SERINC2: variants seen among roughly 807,000 people sequenced by gnomAD.
SERINC2 encodes tumor differentially expressed protein 2.
In SERINC2, 56 loss-of-function variants were observed where a neutral mutation model predicts 54.2. The observed-to-expected ratio is 1.03, with a 90% CI of 0.83 to 1.29. The LOEUF is 1.29. SERINC2 is among the 50% of genes most tolerant of loss of function. The pLI, the probability that SERINC2 is intolerant of heterozygous loss-of-function variation, is 0.00. For synonymous variants in SERINC2, 272 were observed against 253.1 expected, an observed-to-expected ratio of 1.07 and a Z score of -0.71; for missense variants, 614 against 607.4, an observed-to-expected ratio of 1.01 and a Z score of -0.12.
intron 5 of SERINC2, among the ~76,000 whole-genome samples, chr1:31,426,442 C>T (rs1268243595): frequency 4.6e-5 from 7 of 152,112 alleles, no homozygotes; most frequent in African/African-American, 1.7e-4. Flanking sequence ...GTTACAATTC[C>T]CTTATTACAA....
intron 1 of SERINC2, among the ~76,000 whole-genome samples, chr1:31,422,172 G>T (rs1271978362): frequency 6.6e-6 from 1 of 151,614 alleles, no homozygotes; most frequent in African/African-American, 2.4e-5. Context: ...GGTGGCGTGT[G>T]CTTGTAGTCC....
chr1:31,409,973 G>T, upstream of SERINC2: 1 of 1,028,414 alleles, frequency 9.7e-7, no homozygotes, highest in Non-Finnish European at 1.4e-6. Flanking sequence ...CTTGGGGTGG[G>T]TGGTCCAAGA....
At chr1:31,417,598 A>C (rs1285793562) in intron 1 of SERINC2, among the ~76,000 whole-genome samples, 6 of 152,196 alleles carry the variant, frequency 3.9e-5, no homozygotes, top group Non-Finnish European at 7.3e-5. Context: ...AGCATTAAGT[A>C]CATTGACACT....
chr1:31,414,418 GGGT>G, intron 1 of SERINC2: 1 of 501,998 alleles, frequency 2.0e-6, no homozygotes, highest in Non-Finnish European at 2.4e-6. Flanking sequence ...TGTCCCTGAC[GGGT>G]TGTGTGTGTG....
At chr1:31,422,671 C>T (rs1640931278) in intron 1 of SERINC2, among the ~76,000 whole-genome samples, 2 of 152,154 alleles carry the variant, frequency 1.3e-5, no homozygotes, top group Admixed American at 1.3e-4. Context: ...TCTCCAGGCT[C>T]TTAAATCCCT....
intron 1 of SERINC2, among the ~76,000 whole-genome samples, chr1:31,417,481 C>T (rs7545385): frequency 0.023 from 3,555 of 152,188 alleles, 128 homozygotes; most frequent in African/African-American, 0.081. Flanking sequence ...ATACCCTTCT[C>T]GCCTCTTCCT....
Position 31,434,180 on chromosome 1 carries a change from G to A in SERINC2, c.1349G>A (p.Arg450His), listed in dbSNP as rs77828190. ...ACCCTGGTAGCCCCACTCCTCCTGC[G>A]CAACCGCGACTTCAGCTGAGGCAGC... ...LWTLVAPLLL[R>H]NRDFS The change falls in exon 10 of 10, where the codon CGC (arginine) becomes CAC (histidine). Residue 450 changes from arginine to histidine, a missense_variant. Coordinates refer to ENST00000373709, the MANE Select transcript of SERINC2 (RefSeq NM_178865.5). 339 of 1,613,376 alleles carry A rather than the reference G, an allele frequency of 2.1e-4. No homozygotes were observed. In the African/African-American group the frequency reaches 3.6e-3, roughly 17 times the overall value.
intron 8 of SERINC2, among the ~76,000 whole-genome samples, chr1:31,431,912 ATAGGGTGGTTAGGGTGGATAGGGTGGT>A (rs1641245072): frequency 3.1e-5 from 4 of 129,712 alleles, no homozygotes; most frequent in Non-Finnish European, 5.0e-5. Flanking sequence ...GATAGGGTGG[ATAGGGTGGTTAGGGTGGATAGGGTGGT>A]TAGGGTGGTT....
intron 8 of SERINC2, among the ~76,000 whole-genome samples, chr1:31,432,057 C>CAGGGTGGAT (rs1557500843): frequency 5.5e-4 from 9 of 16,352 alleles, no homozygotes; most frequent in Non-Finnish European, 8.2e-4. Context: ...ACAGGGTGGA[C>CAGGGTGGAT]AGGGTGGACA....
intron 6 of SERINC2, among the ~76,000 whole-genome samples, chr1:31,427,826 T>C (rs1156797937): frequency 6.7e-4 from 2 of 2,982 alleles, no homozygotes; most frequent in South Asian, 0.2. Context: ...CTTTCTTTCT[T>C]TTTTTTTTTT....
intron 1 of SERINC2, chr1:31,414,540 A>G (rs782320600): frequency 2.5e-5 from 25 of 991,650 alleles, no homozygotes; most frequent in Non-Finnish European, 2.9e-5. Flanking sequence ...TGAGAATGAG[A>G]TCAGCATAGA....
In SERINC2 at chr1:31,434,045, G is replaced by C; in HGVS notation, c.1233-19G>C. Reference sequence around the variant, plus strand: ...ACCAGACTGGGCACCAGGCTCATGGGGAAGATGGTGTGTTCCAGGCCCGGT... The same window carrying C: ...ACCAGACTGGGCACCAGGCTCATGGCGAAGATGGTGTGTTCCAGGCCCGGT... On this transcript the variant is annotated intron_variant, in intron 9 of 9. Coordinates refer to ENST00000373709, the MANE Select transcript of SERINC2 (RefSeq NM_178865.5). The C allele has an allele frequency of 6.2e-7, 1 of 1,612,302 alleles. No individual in the cohort carries two copies.
In SERINC2 at chr1:31,424,885, G is replaced by A; in HGVS notation, c.392+12G>A. On this transcript the variant is annotated intron_variant, in intron 3 of 9. Transcript: ENST00000373709. The stretch of plus-strand genomic sequence containing the variant: ...GCCATCCAGAATGGGTGAGAGAGGG[G>A]TCCCTGCCTGCACCCTGGGACCTTC... The A allele has an allele frequency of 1.2e-6, 2 of 1,604,044 alleles. No individual in the cohort carries two copies. Among genetic ancestry groups the A allele is most frequent in the South Asian group, 1.1e-5 (1 of 89,842 alleles).
intron 8 of SERINC2, among the ~76,000 whole-genome samples, chr1:31,430,870 TC>T (rs1157123684): frequency 1.3e-5 from 2 of 152,126 alleles, no homozygotes; most frequent in Non-Finnish European, 2.9e-5. Flanking sequence ...TTGGCTCTGC[TC>T]CCCTGATCTC....
chr1:31,432,077 G>A (rs1641277263), intron 8 of SERINC2, among the ~76,000 whole-genome samples: 1 of 121,478 alleles, frequency 8.2e-6, no homozygotes, highest in Non-Finnish European at 1.7e-5. Flanking sequence ...AGGGTGGACA[G>A]GGTGGTTAGG....
intron 9 of SERINC2, among the ~76,000 whole-genome samples, chr1:31,433,512 A>G (rs1191870865): frequency 1.3e-5 from 2 of 152,148 alleles, no homozygotes; most frequent in African/African-American, 4.8e-5. Context: ...GGTTAGGATC[A>G]GGGTGTGGAG....
chr1:31,421,294 A>T (rs782105119), intron 1 of SERINC2, among the ~76,000 whole-genome samples: 2 of 151,922 alleles, frequency 1.3e-5, no homozygotes, highest in Admixed American at 6.6e-5. Flanking sequence ...CTGTGGAAAA[A>T]GTGTCTTCCC....
At chr1:31,432,381 C>T (rs1410865223) in intron 8 of SERINC2, among the ~76,000 whole-genome samples, 1 of 152,002 alleles carries the variant, frequency 6.6e-6, no homozygotes, top group Admixed American at 6.6e-5. Context: ...TTAAAAACAT[C>T]AAGGCTCATC....
intron 8 of SERINC2, among the ~76,000 whole-genome samples, chr1:31,432,165 T>TGGAG (rs1641304219): frequency 5.1e-5 from 1 of 19,686 alleles, no homozygotes; most frequent in East Asian, 2.8e-3. Context: ...ACAGGGTGGA[T>TGGAG]AGGGTGGATA....
Sources: allele counts gnomAD v4.1 joint callset (sites outside exome capture counted in the v4.1 genomes callset), GRCh38; gene constraint gnomAD v4.1.1; transcripts MANE v1.5; gene names NCBI Gene and HGNC (gene_info 2026-07-23, HGNC 2026-07-21).